Variants in TRPM3 observed in about 807,000 individuals in gnomAD.
The protein encoded by TRPM3 is transient receptor potential cation channel subfamily M member 3, also known as long transient receptor potential channel 3.
A neutral mutation model predicts 181.2 loss-of-function variants in TRPM3; 77 were observed. The ratio of observed to expected loss-of-function variants is 0.42; its 90% CI spans 0.35 to 0.51. The LOEUF is 0.51. TRPM3 is among the 20% of genes least tolerant of loss of function. The pLI, the probability that TRPM3 is intolerant of heterozygous loss-of-function variation, is 0.01. For missense variants in TRPM3, 1,759 were observed against 2,196.7 expected, an observed-to-expected ratio of 0.80 and a Z score of 3.98; for synonymous variants, 745 against 796.4, an observed-to-expected ratio of 0.94 and a Z score of 1.09.
Position 70,610,856 on chromosome 9 carries a change from C to A in TRPM3, c.2527-107G>T, listed in dbSNP as rs1310104872. 7.4e-6 allele frequency: 10 copies of A among 1,351,340 alleles called. No homozygotes were observed. The East Asian group carries it at 2.1e-4, about 28-fold the overall frequency. The allele number at this position is 1,351,340 out of a possible 1,614,324, so 83.7% of individuals were successfully genotyped here. A position where few individuals can be genotyped will look rare whatever the true frequency, so the allele number is the denominator to read the frequency against. The stretch of plus-strand genomic sequence containing the variant: ...AAGGATGCTCATAGAACCTAAGAAC[C>A]CAAGGCCCCAGAGATTTAGAGGTTG... On this transcript the variant is annotated intron_variant, in intron 18 of 25. Transcript: ENST00000677713.
Position 70,642,697 on chromosome 9 carries a change from C to T in TRPM3, c.1346-2037G>A, listed in dbSNP as rs115133981. Among the ~76,000 whole-genome samples, 365 of 152,316 alleles carry T rather than the reference C, an allele frequency of 2.4e-3. 2 individuals carry two copies. Among genetic ancestry groups the T allele is most frequent in the African/African-American group, 8.2e-3 (342 of 41,576 alleles). On this transcript the variant is annotated intron_variant, in intron 9 of 25. Transcript: ENST00000677713. ...GTGTGCCTCCTTTCCTGCTTACCCT[C>T]GCCTCTTCCCTCTGGGCTCTGAGAT...
chr9:71,299,396 T>C (rs1204214112), intron 1 of TRPM3, among the ~76,000 whole-genome samples: 2 of 151,826 alleles, frequency 1.3e-5, no homozygotes, highest in Non-Finnish European at 2.9e-5. Flanking sequence ...TCCTACTATA[T>C]CTGTATTAAT....
intron 24 of TRPM3, among the ~76,000 whole-genome samples, chr9:70,551,686 C>T (rs2046485380): frequency 6.6e-6 from 1 of 152,204 alleles, no homozygotes; most frequent in Non-Finnish European, 1.5e-5. Flanking sequence ...TGAGCTAGCC[C>T]TCAGCATGTT....
chr9:70,996,728 G>A (rs779355076), intron 1 of TRPM3, among the ~76,000 whole-genome samples: 28 of 152,122 alleles, frequency 1.8e-4, no homozygotes, highest in Non-Finnish European at 3.7e-4. Flanking sequence ...GTAGCTTCAA[G>A]TTTTCTTTTT....
At chr9:70,753,309 G>A (rs2076512937) in intron 8 of TRPM3, among the ~76,000 whole-genome samples, 1 of 152,054 alleles carries the variant, frequency 6.6e-6, no homozygotes, top group Non-Finnish European at 1.5e-5. Flanking sequence ...ACCAACAAAA[G>A]ATTAGTATTT....
At chr9:71,171,242 A>T (rs187870386) in intron 1 of TRPM3, among the ~76,000 whole-genome samples, 488 of 152,268 alleles carry the variant, frequency 3.2e-3, no homozygotes, top group African/African-American at 0.011. Context: ...ATTTTGCCCC[A>T]GTCCTGTGGT....
chr9:70,930,133 T>C (rs568441620), intron 1 of TRPM3, among the ~76,000 whole-genome samples: 1 of 152,216 alleles, frequency 6.6e-6, no homozygotes, highest in African/African-American at 2.4e-5. Flanking sequence ...TTGGGGGTGG[T>C]AGGAGAAATA....
At chr9:71,435,253 T>A (rs931269574) in intron 1 of TRPM3, among the ~76,000 whole-genome samples, 1 of 152,174 alleles carries the variant, frequency 6.6e-6, no homozygotes, top group Non-Finnish European at 1.5e-5. Context: ...AAAATATGTA[T>A]AATTACTATC....
intron 10 of TRPM3, among the ~76,000 whole-genome samples, chr9:70,640,138 C>T (rs1195041094): frequency 6.6e-6 from 1 of 152,162 alleles, no homozygotes; most frequent in East Asian, 1.9e-4. Flanking sequence ...CCAGATGGCG[C>T]CTGCAGAGGG....
At chr9:71,435,381 C>G (rs1290611304) in intron 1 of TRPM3, among the ~76,000 whole-genome samples, 3 of 152,160 alleles carry the variant, frequency 2.0e-5, no homozygotes, top group Non-Finnish European at 4.4e-5. Context: ...GCATTTGAGT[C>G]TTTATCTTGT....
chr9:71,075,277 C>T (rs17593251), intron 1 of TRPM3, among the ~76,000 whole-genome samples: 10,260 of 152,174 alleles, frequency 0.067, 374 homozygotes, highest in Middle Eastern at 0.095. Context: ...GCACAAGATT[C>T]GAGCCTTTCA....
intron 4 of TRPM3, among the ~76,000 whole-genome samples, chr9:70,845,842 T>C (rs1203785479): frequency 6.6e-6 from 1 of 152,200 alleles, no homozygotes; most frequent in Non-Finnish European, 1.5e-5. Flanking sequence ...ACAATATAGA[T>C]GGCAGGAAGC....
intron 1 of TRPM3, among the ~76,000 whole-genome samples, chr9:71,390,786 C>G (rs376470273): frequency 2.8e-4 from 42 of 152,094 alleles, no homozygotes; most frequent in African/African-American, 8.2e-4. Flanking sequence ...TAAAGGTGTA[C>G]TAGCAAAGGT....
chr9:71,180,039 C>G (rs2077308408), intron 1 of TRPM3, among the ~76,000 whole-genome samples: 1 of 134,464 alleles, frequency 7.4e-6, no homozygotes, highest in South Asian at 2.6e-4. Context: ...AGAACCTTAT[C>G]ATACATCCTT....
chr9:70,696,396 C>G (rs576922324), intron 8 of TRPM3, among the ~76,000 whole-genome samples: 1 of 152,264 alleles, frequency 6.6e-6, no homozygotes, highest in South Asian at 2.1e-4. Flanking sequence ...CTCAGTCTTA[C>G]CAGTAAAGGC....
chr9:71,312,172 G>C (rs2088015163), intron 1 of TRPM3, among the ~76,000 whole-genome samples: 1 of 152,110 alleles, frequency 6.6e-6, no homozygotes, highest in South Asian at 2.1e-4. Flanking sequence ...AGATATATCT[G>C]ATAAAGGACT....
intron 1 of TRPM3, among the ~76,000 whole-genome samples, chr9:71,060,516 G>T (rs1425800818): frequency 5.9e-5 from 9 of 152,084 alleles, no homozygotes; most frequent in African/African-American, 1.9e-4. Flanking sequence ...TCAAACCCAG[G>T]CCTGTCAGAC....
At chr9:71,129,382 A>G (rs2074238337) in intron 1 of TRPM3, among the ~76,000 whole-genome samples, 1 of 152,194 alleles carries the variant, frequency 6.6e-6, no homozygotes, top group South Asian at 2.1e-4. Context: ...TTTAACTTTT[A>G]TGAGTCCTTA....
chr9:70,893,018 C>T (rs1490112489), intron 1 of TRPM3, among the ~76,000 whole-genome samples: 3 of 152,022 alleles, frequency 2.0e-5, no homozygotes, highest in African/African-American at 7.3e-5. Context: ...GCATTTTAAG[C>T]AAGCACAAAG....
Sources: allele counts gnomAD v4.1 joint callset (sites outside exome capture counted in the v4.1 genomes callset), GRCh38; gene constraint gnomAD v4.1.1; transcripts MANE v1.5; gene names NCBI Gene and HGNC (gene_info 2026-07-23, HGNC 2026-07-21).